Variants in DAP3 observed in about 807,000 individuals in gnomAD.
DAP3 encodes death associated protein 3.
In DAP3, 28 loss-of-function variants were observed where a neutral mutation model predicts 51.9. That is an observed-to-expected ratio of 0.54 (90% confidence interval 0.40 to 0.74). DAP3 has a LOEUF of 0.74. Among genes scored for constraint, DAP3 ranks in the 30% least tolerant of loss-of-function variants. The probability of loss-of-function intolerance (pLI) is 0.00; values close to 1 mark genes in which losing one functional copy is unlikely to be tolerated. For missense variants in DAP3, 458 were observed against 483.5 expected, an observed-to-expected ratio of 0.95 and a Z score of 0.49; for synonymous variants, 170 against 170.3, an observed-to-expected ratio of 1.00 and a Z score of 0.01.
rs146211768 is a variant in DAP3 at position 155,717,076 on chromosome 1, A to G, written c.116A>G (p.Gln39Arg). ...AGCATTGCTGCTCACCTAGATAACC[A>G]GGTTCCAGTTGAGAGTCCGAGAGCT... ...RQSIAAHLDN[Q>R]VPVESPRAIS... Residue 39 changes from glutamine (Q) to arginine (R), a missense_variant, in exon 3 of 13, where the codon CAG (glutamine) becomes CGG (arginine). Physicochemically the swap from Gln to Arg is conservative, Grantham distance 43. Transcript: ENST00000368336. 111 of 1,613,998 alleles carry G rather than the reference A, an allele frequency of 6.9e-5. No homozygotes were observed. The highest frequency in any genetic ancestry group is 4.4e-4 in the African/African-American group (33 of 74,886).
intron 2 of DAP3, 104 bp downstream of exon 2, chr1:155,709,928 ACTT>A: frequency 1.9e-6 from 2 of 1,037,852 alleles, no homozygotes; most frequent in Non-Finnish European, 2.9e-6. Flanking sequence ...GCTCTGGAAA[ACTT>A]CATATGTAAC....
chr1:155,702,728 T>C (rs1655466632), intron 1 of DAP3, among the ~76,000 whole-genome samples: 1 of 152,032 alleles, frequency 6.6e-6, no homozygotes, highest in Non-Finnish European at 1.5e-5. Flanking sequence ...CCCAGCATTT[T>C]GGGAGGCTGA....
intron 2 of DAP3, among the ~76,000 whole-genome samples, chr1:155,711,158 G>A (rs1210194012): frequency 6.6e-6 from 1 of 152,054 alleles, no homozygotes; most frequent in East Asian, 1.9e-4. Flanking sequence ...GCAGAGGGAT[G>A]GATTCTGGAC....
At chr1:155,706,768 TAAATA>T (rs910848990) in intron 1 of DAP3, among the ~76,000 whole-genome samples, 17 of 151,016 alleles carry the variant, frequency 1.1e-4, no homozygotes, top group South Asian at 2.1e-4. Context: ...AATAAATAAA[TAAATA>T]AAATAAAATA....
chr1:155,696,213 A>G (rs955980428), intron 1 of DAP3, among the ~76,000 whole-genome samples: 1 of 152,180 alleles, frequency 6.6e-6, no homozygotes. Context: ...CTCATTGAGG[A>G]GTGTGAAGTA....
At chr1:155,719,231 C>A (rs908668144) in intron 3 of DAP3, among the ~76,000 whole-genome samples, 1 of 89,296 alleles carries the variant, frequency 1.1e-5, no homozygotes, top group Non-Finnish European at 2.1e-5. Context: ...AACTCTAAAA[C>A]AATTTTTTTT....
intron 1 of DAP3, among the ~76,000 whole-genome samples, chr1:155,703,994 A>C (rs1265574881): frequency 2.0e-5 from 3 of 152,182 alleles, no homozygotes; most frequent in Non-Finnish European, 4.4e-5. Flanking sequence ...TAAAAATAAA[A>C]AATTAGCCAC....
chr1:155,722,650 C>CA (rs926473273), intron 4 of DAP3, among the ~76,000 whole-genome samples: 55 of 149,704 alleles, frequency 3.7e-4, no homozygotes, highest in East Asian at 1.6e-3. Flanking sequence ...GCTGCTCACT[C>CA]AAAAAAAAAG....
At chr1:155,738,016 G>T in intron 12 of DAP3, 141 bp from the exon 13 acceptor site, 1 of 744,674 alleles carries the variant, frequency 1.3e-6, no homozygotes, top group Non-Finnish European at 2.2e-6. Flanking sequence ...TGGGGTGAGG[G>T]TCTAGAAGTA....
Position 155,731,338 on chromosome 1 carries a change from T to G in DAP3, c.844-18T>G. 1 of 1,613,468 alleles carries G rather than the reference T, an allele frequency of 6.2e-7. No homozygotes were observed. The highest frequency in any genetic ancestry group is 8.5e-7 in the Non-Finnish European group (1 of 1,179,576). On this transcript the variant is annotated intron_variant, in intron 9 of 12. Coordinates refer to ENST00000368336, the MANE Select transcript of DAP3 (RefSeq NM_004632.4). Reference sequence around the variant, plus strand: ...AAGGCACGTGATGATCTCTTCTCTCTTTCTGTCCGATATGCAGATTGCCCC... The same window carrying G: ...AAGGCACGTGATGATCTCTTCTCTCGTTCTGTCCGATATGCAGATTGCCCC...
At chr1:155,706,953 C>T (rs548968473) in intron 1 of DAP3, among the ~76,000 whole-genome samples, 12 of 150,844 alleles carry the variant, frequency 8.0e-5, no homozygotes, top group Non-Finnish European at 1.2e-4. Flanking sequence ...ATTAGCTGGG[C>T]GTGGTAGCTG....
At chr1:155,731,283 T>G in intron 9 of DAP3, 73 bp from the exon 10 acceptor site, 4 of 1,471,420 alleles carry the variant, frequency 2.7e-6, no homozygotes, top group Admixed American at 1.8e-5. Context: ...AAAAAAATTG[T>G]TGTCAATTGT....
chr1:155,722,964 A>T (rs1658169136), intron 4 of DAP3, among the ~76,000 whole-genome samples: 1 of 152,188 alleles, frequency 6.6e-6, no homozygotes, highest in Non-Finnish European at 1.5e-5. Flanking sequence ...TTAACCAACA[A>T]TGCTCTGTAA....
chr1:155,689,005 C>T, upstream of DAP3: 6 of 1,595,758 alleles, frequency 3.8e-6, no homozygotes, highest in South Asian at 1.1e-5. Flanking sequence ...TCGAGGGCGG[C>T]CTAGCGCCCC....
chr1:155,697,479 C>A (rs1654680386), intron 1 of DAP3, among the ~76,000 whole-genome samples: 1 of 152,142 alleles, frequency 6.6e-6, no homozygotes, highest in South Asian at 2.1e-4. Context: ...AATTCTACAG[C>A]TGGGTCTCCG....
At position 155,731,929 on chromosome 1, in the gene DAP3, T is replaced by C; in HGVS notation, c.904-15T>C. The C allele has an allele frequency of 1.3e-6, 2 of 1,593,114 alleles. No individual in the cohort carries two copies. The highest frequency in any genetic ancestry group is 1.7e-6 in the Non-Finnish European group (2 of 1,172,518). ...TTTAACTTTTTCCAGTTCAGCCTTTTCTCTTTTCTTTCAGCATGGAGGCGC... is the reference window on the plus strand; with the variant it reads ...TTTAACTTTTTCCAGTTCAGCCTTTCCTCTTTTCTTTCAGCATGGAGGCGC... On this transcript the variant is annotated splice_polypyrimidine_tract_variant and intron_variant, in intron 10 of 12. Transcript: ENST00000368336.
chr1:155,697,077 C>T (rs1333648221), intron 1 of DAP3, among the ~76,000 whole-genome samples: 2 of 152,068 alleles, frequency 1.3e-5, no homozygotes, highest in African/African-American at 2.4e-5. Flanking sequence ...GAAATATATC[C>T]TTTTTCTAGT....
intron 1 of DAP3, among the ~76,000 whole-genome samples, chr1:155,701,069 C>G (rs1204753405): frequency 7.5e-6 from 1 of 132,990 alleles, no homozygotes; most frequent in African/African-American, 3.5e-5. Context: ...GGTCAGCCCC[C>G]CTGCCTGGCC....
intron 9 of DAP3, 138 bp from the exon 10 acceptor site, chr1:155,731,218 A>G (rs1242758616): frequency 4.2e-6 from 3 of 716,844 alleles, no homozygotes; most frequent in East Asian, 5.9e-5. Context: ...AGTGAGCCCA[A>G]ATCGCGCCAC....
Sources: allele counts gnomAD v4.1 joint callset (sites outside exome capture counted in the v4.1 genomes callset), GRCh38; gene constraint gnomAD v4.1.1; transcripts MANE v1.5; gene names NCBI Gene and HGNC (gene_info 2026-07-23, HGNC 2026-07-21).